FBXW7: variants seen among roughly 807,000 people sequenced by gnomAD.
FBXW7 encodes F-box/WD repeat-containing protein 7.
FBXW7 carries 11 observed loss-of-function variants against 86.3 expected under a neutral mutation model. The observed-to-expected ratio is 0.13, with a 90% CI of 0.08 to 0.21. FBXW7 has a LOEUF of 0.21. Among genes scored for constraint, FBXW7 ranks in the 10% least tolerant of loss-of-function variants. The pLI is 1.00. For missense variants in FBXW7, 488 were observed against 847.4 expected, an observed-to-expected ratio of 0.58 and a Z score of 5.27; for synonymous variants, 313 against 297.9, an observed-to-expected ratio of 1.05 and a Z score of -0.52.
In FBXW7 at chr4:152,323,094, T is replaced by C. The variant is rs765315069; in HGVS notation, c.1911A>G (p.Val637=). ...VTCLQFNKNF[V]ITSSDDGTVK... is the part of the protein sequence containing the mutation. ...CAGTTCCATCATCTGAGCTGGTAATTACAAAGTTCTTGTTGAACTGTAAAC... is the reference window on the plus strand; with the variant it reads ...CAGTTCCATCATCTGAGCTGGTAATCACAAAGTTCTTGTTGAACTGTAAAC... Residue 637 remains valine, a synonymous_variant, in exon 14 of 14, where the codon GTA becomes GTG. Coordinates refer to ENST00000281708, the MANE Select transcript of FBXW7 (RefSeq NM_001349798.2). 34 of 1,613,704 alleles carry C rather than the reference T, an allele frequency of 2.1e-5. 1 individual carries two copies. In the East Asian group the frequency reaches 7.1e-4, roughly 34 times the overall value.
In FBXW7 at chr4:152,408,674, CAG is replaced by C. The variant is rs368623420; in HGVS notation, c.501+2627_501+2628del. On this transcript the variant is annotated intron_variant, in intron 4 of 13. Transcript: ENST00000281708. Reference sequence around the variant, plus strand: ...ATAGTATCAGAAAATCATCACATGGCAGAGTCTCTGACTATGTTGGAAATCTT... The same window carrying C: ...ATAGTATCAGAAAATCATCACATGGCAGTCTCTGACTATGTTGGAAATCTT... Among the ~76,000 whole-genome samples, 39 of 152,300 alleles carry C rather than the reference CAG, an allele frequency of 2.6e-4. No homozygotes were observed. The East Asian group carries it at 3.5e-3, about 14-fold the overall frequency.
At chr4:152,342,684 C>T (rs1032823612) in intron 6 of FBXW7, among the ~76,000 whole-genome samples, 4 of 152,132 alleles carry the variant, frequency 2.6e-5, no homozygotes, top group African/African-American at 7.2e-5. Flanking sequence ...TTCCAGGATT[C>T]GAGTAACTTA....
chr4:152,489,424 T>C (rs1016851797), intron 2 of FBXW7: 7 of 152,838 alleles, frequency 4.6e-5, no homozygotes, highest in Admixed American at 2.0e-4. Flanking sequence ...AGGACATAAA[T>C]GGTAGGCTTC....
chr4:152,368,191 G>T (rs980150498), intron 4 of FBXW7, among the ~76,000 whole-genome samples: 1 of 152,026 alleles, frequency 6.6e-6, no homozygotes, highest in Non-Finnish European at 1.5e-5. Flanking sequence ...TACAACTTCT[G>T]CCTGTTTCCT....
intron 2 of FBXW7, among the ~76,000 whole-genome samples, chr4:152,455,216 A>G (rs914337362): frequency 6.6e-6 from 1 of 152,238 alleles, no homozygotes; most frequent in Non-Finnish European, 1.5e-5. Context: ...TACAGAACAG[A>G]ACTGCAAATG....
intron 2 of FBXW7, among the ~76,000 whole-genome samples, chr4:152,486,273 C>T (rs1466973359): frequency 2.6e-5 from 4 of 152,266 alleles, no homozygotes; most frequent in South Asian, 2.1e-4. Flanking sequence ...TAAATATACA[C>T]TCAAACCACA....
chr4:152,475,115 T>C (rs377275662), intron 2 of FBXW7, among the ~76,000 whole-genome samples: 3 of 149,230 alleles, frequency 2.0e-5, no homozygotes, highest in Non-Finnish European at 4.4e-5. Flanking sequence ...AATAAATATA[T>C]GTATATTTAT....
Position 152,535,496 on chromosome 4 carries a change from C to A in FBXW7, c.-582G>T. 1 of 395,086 alleles carries A rather than the reference C, an allele frequency of 2.5e-6. No individual in the cohort carries two copies. Among genetic ancestry groups the A allele is most frequent in the Non-Finnish European group, 4.5e-6 (1 of 223,916 alleles). 24.5% of individuals were successfully genotyped at this position (395,086 alleles called of 1,614,324 possible). A position where few individuals can be genotyped will look rare whatever the true frequency, so the allele number is the denominator to read the frequency against. On this transcript the variant is annotated 5_prime_UTR_variant, in exon 1 of 14. Coordinates refer to ENST00000281708, the MANE Select transcript of FBXW7 (RefSeq NM_001349798.2). ...CACATCGGGGTCCCCGCCCCCCCGG[C>A]CGGGGGGTGGTTGCCGAGCTTGGTT...
At chr4:152,336,445 A>G (rs1486578074) in intron 7 of FBXW7, among the ~76,000 whole-genome samples, 1 of 152,130 alleles carries the variant, frequency 6.6e-6, no homozygotes, top group African/African-American at 2.4e-5. Context: ...AAAAAATGAG[A>G]CTATGAGAAA....
intron 2 of FBXW7, among the ~76,000 whole-genome samples, chr4:152,501,176 T>C (rs1474501528): frequency 2.0e-5 from 3 of 152,228 alleles, no homozygotes; most frequent in Admixed American, 6.5e-5. Context: ...ATTATTATGG[T>C]ACACAGTGTT....
chr4:152,508,968 A>C lies in FBXW7; in HGVS notation c.-120+25973T>G, dbSNP rs994110348. ...TAAAATCATTTTTGCAGTATTCTTA[A>C]TCAAAAATGCTTAAAATTAATTGAA... On this transcript the variant is annotated intron_variant, in intron 2 of 13. Transcript: ENST00000281708. Among the ~76,000 whole-genome samples, 100 of 152,344 alleles carry C rather than the reference A, an allele frequency of 6.6e-4. 1 individual carries two copies. Among genetic ancestry groups the C allele is most frequent in the African/African-American group, 2.4e-3 (99 of 41,580 alleles).
At chr4:152,508,775 T>C (rs1052882149) in intron 2 of FBXW7, among the ~76,000 whole-genome samples, 7 of 152,130 alleles carry the variant, frequency 4.6e-5, no homozygotes, top group African/African-American at 1.7e-4. Flanking sequence ...GGATACTTTT[T>C]TTTTTCCTTT....
At chr4:152,505,215 A>C (rs564667761) in intron 2 of FBXW7, among the ~76,000 whole-genome samples, 1 of 152,208 alleles carries the variant, frequency 6.6e-6, no homozygotes, top group Non-Finnish European at 1.5e-5. Context: ...ATCATAAATT[A>C]AGCTAGCAGG....
chr4:152,332,167 A>G (rs898419355), intron 8 of FBXW7, among the ~76,000 whole-genome samples: 13 of 152,148 alleles, frequency 8.5e-5, no homozygotes, highest in African/African-American at 2.9e-4. Flanking sequence ...GGAAAAAAAC[A>G]GGTTTCAAGA....
chr4:152,351,778 C>G (rs1184669795), intron 4 of FBXW7, among the ~76,000 whole-genome samples: 1 of 151,852 alleles, frequency 6.6e-6, no homozygotes, highest in African/African-American at 2.4e-5. Flanking sequence ...CCCAGGATAC[C>G]TTGTAAAAAA....
intron 6 of FBXW7, among the ~76,000 whole-genome samples, chr4:152,345,353 A>G (rs1017161459): frequency 1.1e-4 from 17 of 152,298 alleles, no homozygotes; most frequent in Admixed American, 7.2e-4. Flanking sequence ...TAATCAACAA[A>G]TGACTATGAA....
intron 12 of FBXW7, 200 bp downstream of exon 12, chr4:152,325,806 T>C: frequency 1.9e-6 from 1 of 520,070 alleles, no homozygotes; most frequent in South Asian, 3.2e-5. Flanking sequence ...GAGAAATAGA[T>C]CACAGAAAAT....
chr4:152,503,637 A>G (rs1326198349), intron 2 of FBXW7, among the ~76,000 whole-genome samples: 1 of 137,346 alleles, frequency 7.3e-6, no homozygotes, highest in Non-Finnish European at 1.5e-5. Flanking sequence ...AGTTGTCACT[A>G]TGTAGCTGTA....
intron 4 of FBXW7, among the ~76,000 whole-genome samples, chr4:152,363,906 T>C (rs1224399494): frequency 6.6e-6 from 1 of 152,038 alleles, no homozygotes; most frequent in Admixed American, 6.6e-5. Flanking sequence ...TACAAAAAAA[T>C]AAAAATAGGG....
Sources: allele counts gnomAD v4.1 joint callset (sites outside exome capture counted in the v4.1 genomes callset), GRCh38; gene constraint gnomAD v4.1.1; transcripts MANE v1.5; gene names NCBI Gene and HGNC (gene_info 2026-07-23, HGNC 2026-07-21).